The following GSE1 variants were observed in gnomAD, a reference collection of about 807,000 sequenced individuals.
GSE1 encodes Gse1 coiled-coil protein, also known as genetic suppressor element 1.
GSE1 carries 32 observed loss-of-function variants against 112.6 expected under a neutral mutation model. That is an observed-to-expected ratio of 0.28 (90% CI 0.21 to 0.38). The LOEUF (loss-of-function observed/expected upper bound fraction) is 0.38, where lower values mean the gene tolerates loss of function less well. Ranked by LOEUF, GSE1 falls within the 10% of genes least tolerant of loss-of-function variation. The pLI is 1.00. For synonymous variants in GSE1, 1,115 were observed against 735.6 expected (o/e 1.52, Z -8.35); for missense variants, 2,348 against 1,699.2 (o/e 1.38, Z -6.71).
chr16:85,437,736 T>C (rs1411614803), intron 2 of GSE1, among the ~76,000 whole-genome samples: 1 of 152,136 alleles, frequency 6.6e-6, no homozygotes, highest in Non-Finnish European at 1.5e-5. Flanking sequence ...TCCTCCTGTC[T>C]AGGAATCCAC....
chr16:85,559,575 G>T (rs1035547902), intron 1 of GSE1, among the ~76,000 whole-genome samples: 5 of 152,270 alleles, frequency 3.3e-5, no homozygotes, highest in African/African-American at 1.2e-4. Flanking sequence ...GCAGTTCACA[G>T]TCAGGCTGGC....
chr16:85,580,213 G>A (rs564502981), intron 1 of GSE1: 1 of 152,654 alleles, frequency 6.6e-6, no homozygotes, highest in African/African-American at 2.4e-5. Context: ...TTCACTCTGT[G>A]GATGTTTGCT....
intron 2 of GSE1, among the ~76,000 whole-genome samples, chr16:85,443,521 T>C (rs1282988727): frequency 1.3e-5 from 2 of 152,268 alleles, no homozygotes; most frequent in South Asian, 2.1e-4. Flanking sequence ...GTAATGTTTA[T>C]ATAAGCGTTA....
At chr16:85,670,480 C>T (rs1476684578) in intron 14 of GSE1, 3 of 151,904 alleles carry the variant, frequency 2.0e-5, no homozygotes, top group South Asian at 4.1e-4. Flanking sequence ...TTTTATTGTA[C>T]TTTGGTATCC....
chr16:85,380,769 G>T (rs527458426), intron 2 of GSE1, among the ~76,000 whole-genome samples: 2 of 152,096 alleles, frequency 1.3e-5, no homozygotes, highest in Non-Finnish European at 2.9e-5. Flanking sequence ...ATCCAGCCTC[G>T]CAAACAGCCC....
chr16:85,393,942 TG>T (rs1290094209), intron 2 of GSE1, among the ~76,000 whole-genome samples: 1 of 151,786 alleles, frequency 6.6e-6, no homozygotes, highest in East Asian at 1.9e-4. Flanking sequence ...GGGGCGGGGC[TG>T]GGCTGGGGAA....
At chr16:85,601,356 A>G (rs952026935) in intron 1 of GSE1, among the ~76,000 whole-genome samples, 1 of 152,120 alleles carries the variant, frequency 6.6e-6, no homozygotes, top group Admixed American at 6.5e-5. Flanking sequence ...CACGGCAGTC[A>G]GGGAACGTGG....
intron 1 of GSE1, among the ~76,000 whole-genome samples, chr16:85,208,904 TG>T (rs1486099272): frequency 6.8e-6 from 1 of 146,696 alleles, no homozygotes; most frequent in African/African-American, 2.5e-5. Flanking sequence ...TGCCGTGTGT[TG>T]GGGTTTGCCA....
intron 1 of GSE1, chr16:85,171,854 A>G (rs1357115272): frequency 9.8e-6 from 9 of 918,594 alleles, no homozygotes; most frequent in Non-Finnish European, 1.2e-5. Flanking sequence ...TCCAAAATCC[A>G]TTCAGGGAAG....
intron 3 of GSE1, among the ~76,000 whole-genome samples, chr16:85,650,730 C>G (rs145059815): frequency 6.6e-6 from 1 of 152,144 alleles, no homozygotes; most frequent in Non-Finnish European, 1.5e-5. Context: ...GCTCCTCGCT[C>G]GGGCACAGAG....
chr16:85,457,147 C>T (rs79594608), intron 2 of GSE1, among the ~76,000 whole-genome samples: 1,672 of 152,292 alleles, frequency 0.011, 7 homozygotes, highest in Middle Eastern at 0.024. Flanking sequence ...GAAAGGGCAG[C>T]GGGGTCTGCC....
chr16:85,567,500 T>G (rs1488717731), intron 1 of GSE1, among the ~76,000 whole-genome samples: 3 of 151,992 alleles, frequency 2.0e-5, no homozygotes, highest in Non-Finnish European at 4.4e-5. Context: ...CAGCCGGGGC[T>G]CTCAACGCTG....
chr16:85,412,873 A>C lies in GSE1; in HGVS notation c.2464+55230A>C, dbSNP rs558164206. 2.0e-5 allele frequency among the ~76,000 whole-genome samples: 3 copies of C among 152,308 alleles called. No homozygotes were observed. The East Asian group carries it at 5.8e-4, about 29-fold the overall frequency. On this transcript the variant is annotated intron_variant, in intron 2 of 2. Transcript: ENST00000637419. ...GCCGCATTCACAGGTTCCAGGGATG[A>C]GGACAGGGACATCTTTTCAGGGGGC...
In GSE1 at chr16:85,674,703, G is replaced by C. The variant is rs2053586020; in HGVS notation, c.*2164G>C. 1 of 152,222 alleles carries C rather than the reference G, an allele frequency of 6.6e-6. No individual in the cohort carries two copies. The highest frequency in any genetic ancestry group is 2.1e-4 in the South Asian group (1 of 4,830). 9.4% of individuals were successfully genotyped at this position (152,222 alleles called of 1,614,324 possible). A position where few individuals can be genotyped will look rare whatever the true frequency, so the allele number is the denominator to read the frequency against. ...CGTAGCTCATCCCTTACCATCCAAG[G>C]GGCACTCCCTTGGTTGGATTTTCTA... On this transcript the variant is annotated 3_prime_UTR_variant, in exon 16 of 16. Transcript: ENST00000253458.
At chr16:85,284,393 C>T (rs879495519) in intron 1 of GSE1, among the ~76,000 whole-genome samples, 4 of 152,186 alleles carry the variant, frequency 2.6e-5, no homozygotes, top group East Asian at 1.9e-4. Flanking sequence ...TCCATCTGCT[C>T]GGCGAGGACT....
upstream of GSE1, among the ~76,000 whole-genome samples, chr16:85,612,702 G>T (rs570514673): frequency 9.5e-3 from 1,445 of 151,860 alleles, 17 homozygotes; most frequent in South Asian, 0.026. Flanking sequence ...TCAGGCATGG[G>T]GGGGGTGGGG....
At chr16:85,468,026 T>C (rs1254816102) in intron 2 of GSE1, among the ~76,000 whole-genome samples, 1 of 152,122 alleles carries the variant, frequency 6.6e-6, no homozygotes, top group East Asian at 1.9e-4. Flanking sequence ...GAGGGCTCCT[T>C]CTCTGCCCAT....
At chr16:85,540,330 C>A (rs2044476709) in intron 2 of GSE1, among the ~76,000 whole-genome samples, 1 of 152,210 alleles carries the variant, frequency 6.6e-6, no homozygotes, top group African/African-American at 2.4e-5. Flanking sequence ...CCCTGCCTGT[C>A]CTTTCACACA....
chr16:85,388,962 G>T (rs1887667640), intron 2 of GSE1, among the ~76,000 whole-genome samples: 1 of 152,124 alleles, frequency 6.6e-6, no homozygotes, highest in Non-Finnish European at 1.5e-5. Context: ...GTGTTCTTTG[G>T]GAATAGATCA....
Sources: gnomAD v4.1 joint callset for allele counts (sites outside exome capture counted in the v4.1 genomes callset) on GRCh38, gnomAD v4.1.1 for gene constraint, MANE v1.5 for transcripts, NCBI Gene and HGNC (gene_info 2026-07-23, HGNC 2026-07-21) for gene names.